The following AMPH variants were observed in gnomAD, a reference collection of about 807,000 sequenced individuals.
AMPH encodes the protein amphiphysin.
Under a neutral mutation model 99.1 loss-of-function variants are expected in AMPH, and 49 were observed. The ratio of observed to expected loss-of-function variants is 0.49; its 90% CI spans 0.39 to 0.63. The LOEUF is 0.63. Ranked by LOEUF, AMPH falls within the 20% of genes least tolerant of loss-of-function variation. The probability of loss-of-function intolerance (pLI) is 0.00; values close to 1 mark genes in which losing one functional copy is unlikely to be tolerated. For synonymous variants in AMPH, 314 were observed against 317.3 expected, an observed-to-expected ratio of 0.99 and a Z score of 0.11; for missense variants, 759 against 863.4, an observed-to-expected ratio of 0.88 and a Z score of 1.52.
chr7:38,406,406 T>TA (rs1419513720), intron 17 of AMPH, among the ~76,000 whole-genome samples: 13 of 152,088 alleles, frequency 8.5e-5, no homozygotes, highest in African/African-American at 2.4e-5. Flanking sequence ...AAAAAAATCT[T>TA]ACGAAGGATC....
Position 38,404,464 on chromosome 7 carries a change from A to G in AMPH, c.1399-10250T>C, listed in dbSNP as rs535417425. Among the ~76,000 whole-genome samples the G allele has an allele frequency of 6.2e-4, 95 of 152,246 alleles. 1 individual carries two copies. Among genetic ancestry groups the G allele is most frequent in the African/African-American group, 2.1e-3 (87 of 41,542 alleles). On this transcript the variant is annotated intron_variant, in intron 17 of 20. Coordinates refer to ENST00000356264, the MANE Select transcript of AMPH (RefSeq NM_001635.4). ...GACAGTGTATCAGTTCATACACCCAATATACTGCTACAACAAGCAGTGTTT... is the reference window on the plus strand; with the variant it reads ...GACAGTGTATCAGTTCATACACCCAGTATACTGCTACAACAAGCAGTGTTT...
At chr7:38,465,159 T>C (rs1243879559) in intron 9 of AMPH, among the ~76,000 whole-genome samples, 1 of 152,162 alleles carries the variant, frequency 6.6e-6, no homozygotes, top group South Asian at 2.1e-4. Context: ...TAACAAATTA[T>C]ATATTACAAC....
rs1467423336 is a variant in AMPH at position 38,513,850 on chromosome 7, C to T, written c.151-10146G>A. 4.6e-5 allele frequency among the ~76,000 whole-genome samples: 7 copies of T among 152,302 alleles called. No homozygotes were observed. In the South Asian group the frequency reaches 8.3e-4, roughly 18 times the overall value. On this transcript the variant is annotated intron_variant, in intron 2 of 20. Coordinates refer to ENST00000356264, the MANE Select transcript of AMPH (RefSeq NM_001635.4). Reference sequence around the variant, plus strand: ...TCAAGGGAACAGATCAGCTGTTCTTCCCTTTGTCTGATGAATCACCACATT... The same window carrying T: ...TCAAGGGAACAGATCAGCTGTTCTTTCCTTTGTCTGATGAATCACCACATT...
At position 38,538,735 on chromosome 7, in the gene AMPH, T is replaced by C. The variant is rs180675037; in HGVS notation, c.70-3724A>G. Among the ~76,000 whole-genome samples the C allele has an allele frequency of 2.0e-4, 30 of 152,256 alleles. No individual in the cohort carries two copies. The East Asian group carries it at 3.1e-3, about 16-fold the overall frequency. ...TTTAAGAAACATAATGCACAGTACA[T>C]AATGGCTTATGGGATGAAAAAGATG... On this transcript the variant is annotated intron_variant, in intron 1 of 20. Transcript: ENST00000356264.
At chr7:38,428,477 A>AT (rs1785868697) in intron 14 of AMPH, 2 of 456,570 alleles carry the variant, frequency 4.4e-6, no homozygotes, top group Non-Finnish European at 8.8e-6. Flanking sequence ...AAACAGCCTG[A>AT]TTTTTATCCC....
intron 8 of AMPH, among the ~76,000 whole-genome samples, chr7:38,465,816 T>C (rs1166634551): frequency 6.6e-6 from 1 of 152,222 alleles, no homozygotes; most frequent in Non-Finnish European, 1.5e-5. Flanking sequence ...ACTGTTTACA[T>C]TGACTCCACC....
In AMPH at chr7:38,394,064, T is replaced by G; in HGVS notation, c.1549A>C (p.Thr517Pro). 6.2e-7 allele frequency: 1 copy of G among 1,614,158 alleles called. No homozygotes were observed. Residue 517 changes from threonine to proline, a missense_variant, in exon 18 of 21, where the codon ACT becomes CCT. Coordinates refer to ENST00000356264, the MANE Select transcript of AMPH (RefSeq NM_001635.4). ...GGTTGGGCACTCTCTGCACCCTCAG[T>G]GGTTTCAGTTCCAATTTTGGCCTCC... is the stretch of plus-strand genomic sequence containing the variant. The part of the protein sequence containing the change: ...LEEAKIGTET[T>P]EGAESAQPEA...
intron 1 of AMPH, among the ~76,000 whole-genome samples, chr7:38,566,221 A>G (rs1791737904): frequency 6.6e-6 from 1 of 152,194 alleles, no homozygotes; most frequent in African/African-American, 2.4e-5. Context: ...ACCTTGAGAC[A>G]AAAGCATCTC....
chr7:38,427,490 A>G (rs1424046364), intron 14 of AMPH, among the ~76,000 whole-genome samples: 1 of 152,238 alleles, frequency 6.6e-6, no homozygotes, highest in African/African-American at 2.4e-5. Context: ...GGTTTAGCAC[A>G]TTTTTAGTAC....
chr7:38,420,613 G>A (rs973473617), intron 16 of AMPH, among the ~76,000 whole-genome samples: 2 of 152,168 alleles, frequency 1.3e-5, no homozygotes, highest in African/African-American at 4.8e-5. Context: ...TAGCCTTGCA[G>A]CACCTTTTCT....
rs571083781 is a variant in AMPH at position 38,605,297 on chromosome 7, G to C, written c.69+25986C>G. Among the ~76,000 whole-genome samples the C allele has an allele frequency of 4.6e-5, 7 of 152,192 alleles. No individual in the cohort carries two copies. The South Asian group carries it at 1.5e-3, about 32-fold the overall frequency. On this transcript the variant is annotated intron_variant, in intron 1 of 20. Coordinates refer to ENST00000356264, the MANE Select transcript of AMPH (RefSeq NM_001635.4). ...AGAGGAAGAAAGGGGTTTTTAGGGG[G>C]CTACACTGCCATGACACATGAAATG...
rs182665848 is a variant in AMPH, at chr7:38,387,224, T to C, written c.1981-2299A>G. 9.1e-4 allele frequency among the ~76,000 whole-genome samples: 139 copies of C among 152,366 alleles called. 1 individual carries two copies. The Middle Eastern group carries it at 0.02, about 22-fold the overall frequency. The stretch of plus-strand genomic sequence containing the variant: ...CGTATGGTCTACCTACTATGTCTAG[T>C]ATCAATTAAAAAATTATTAGACATG... On this transcript the variant is annotated intron_variant, in intron 20 of 20. Coordinates refer to ENST00000356264, the MANE Select transcript of AMPH (RefSeq NM_001635.4).
At chr7:38,397,275 G>C (rs1784697511) in intron 17 of AMPH, among the ~76,000 whole-genome samples, 1 of 152,148 alleles carries the variant, frequency 6.6e-6, no homozygotes, top group African/African-American at 2.4e-5. Flanking sequence ...TACATCTCTG[G>C]GAGAGGATAT....
At chr7:38,547,452 G>T (rs887314071) in intron 1 of AMPH, among the ~76,000 whole-genome samples, 3 of 152,188 alleles carry the variant, frequency 2.0e-5, no homozygotes, top group African/African-American at 7.2e-5. Context: ...GCAAGCCTGA[G>T]TATACTAATC....
intron 12 of AMPH, among the ~76,000 whole-genome samples, chr7:38,433,619 G>A (rs1318996420): frequency 8.9e-6 from 1 of 111,782 alleles, no homozygotes; most frequent in African/African-American, 3.7e-5. Context: ...CAGCTACTTG[G>A]GAGGCTGAGG....
intron 1 of AMPH, among the ~76,000 whole-genome samples, chr7:38,572,885 C>A (rs1476288494): frequency 6.6e-6 from 1 of 152,102 alleles, no homozygotes; most frequent in Non-Finnish European, 1.5e-5. Flanking sequence ...TGAGCATGGC[C>A]TCTGAAGACA....
At chr7:38,518,005 C>T (rs1789817640) in intron 2 of AMPH, among the ~76,000 whole-genome samples, 1 of 152,192 alleles carries the variant, frequency 6.6e-6, no homozygotes, top group Non-Finnish European at 1.5e-5. Context: ...CTCCACCCTC[C>T]ACAGGCTCAC....
intron 1 of AMPH, among the ~76,000 whole-genome samples, chr7:38,593,523 T>C (rs1025580158): frequency 6.6e-6 from 1 of 152,246 alleles, no homozygotes; most frequent in Non-Finnish European, 1.5e-5. Flanking sequence ...TTTCCCTTTA[T>C]TGCTCTCAGT....
chr7:38,396,500 C>A (rs1784674116), intron 17 of AMPH, among the ~76,000 whole-genome samples: 1 of 152,136 alleles, frequency 6.6e-6, no homozygotes, highest in Non-Finnish European at 1.5e-5. Flanking sequence ...TCTTTATCAG[C>A]AGCATGAAAA....
Sources: allele counts gnomAD v4.1 joint callset (sites outside exome capture counted in the v4.1 genomes callset), GRCh38; gene constraint gnomAD v4.1.1; transcripts MANE v1.5; gene names NCBI Gene and HGNC (gene_info 2026-07-23, HGNC 2026-07-21).